The following KCNQ3 variants were observed in gnomAD, a reference collection of about 807,000 sequenced individuals.
KCNQ3 encodes the protein potassium voltage-gated channel subfamily Q member 3, also known as potassium voltage-gated channel subfamily KQT member 3.
A neutral mutation model predicts 92.5 loss-of-function variants in KCNQ3; 30 were observed. The ratio of observed to expected loss-of-function variants is 0.32; its 90% CI spans 0.24 to 0.44. The LOEUF (loss-of-function observed/expected upper bound fraction) is 0.44. KCNQ3 is among the 20% of genes least tolerant of loss of function. The pLI is 1.00. For missense variants in KCNQ3, 913 were observed against 1,140.3 expected (o/e 0.80, Z 2.87); for synonymous variants, 450 against 468.8 (o/e 0.96, Z 0.52).
At chr8:132,462,175 TTATG>T (rs962381193) in intron 1 of KCNQ3, among the ~76,000 whole-genome samples, 3 of 97,780 alleles carry the variant, frequency 3.1e-5, no homozygotes, top group Non-Finnish European at 5.9e-5. Flanking sequence ...GTACATTTAT[TTATG>T]TATTTATTTA....
At chr8:132,365,130 T>C (rs1819282324) in intron 1 of KCNQ3, among the ~76,000 whole-genome samples, 1 of 152,216 alleles carries the variant, frequency 6.6e-6, no homozygotes, top group Admixed American at 6.5e-5. Context: ...CATTTAATAT[T>C]CATTCCTTTT....
intron 1 of KCNQ3, among the ~76,000 whole-genome samples, chr8:132,476,484 T>C (rs1822414726): frequency 6.6e-6 from 1 of 152,228 alleles, no homozygotes; most frequent in Admixed American, 6.5e-5. Flanking sequence ...GCCCAAGCCT[T>C]GCATTAGGGT....
At position 132,387,836 on chromosome 8, in the gene KCNQ3, A is replaced by C. The variant is rs1417943622; in HGVS notation, c.386+92311T>G. ...GGAAGTATAGTGAGATCCCATCTCT[A>C]CAAAAAAAATTTTTTTAATTAGCCA... On this transcript the variant is annotated intron_variant, in intron 1 of 14. Coordinates refer to ENST00000388996, the MANE Select transcript of KCNQ3 (RefSeq NM_004519.4). Among the ~76,000 whole-genome samples the C allele has an allele frequency of 3.3e-5, 5 of 152,142 alleles. No individual in the cohort carries two copies. In the East Asian group the frequency reaches 9.7e-4, roughly 29 times the overall value.
intron 1 of KCNQ3, among the ~76,000 whole-genome samples, chr8:132,457,366 ACTC>A (rs1454080444): frequency 2.0e-4 from 31 of 152,040 alleles, no homozygotes; most frequent in Non-Finnish European, 5.9e-5. Flanking sequence ...TAACACAGTA[ACTC>A]CTCGGTTAAG....
intron 1 of KCNQ3, among the ~76,000 whole-genome samples, chr8:132,232,060 C>T (rs1469487154): frequency 6.6e-6 from 1 of 152,168 alleles, no homozygotes; most frequent in African/African-American, 2.4e-5. Flanking sequence ...ATTGGTCACC[C>T]ACCAAGGAAA....
chr8:132,430,245 C>T (rs1515519), intron 1 of KCNQ3, among the ~76,000 whole-genome samples: 34,056 of 152,122 alleles, frequency 0.22, 4,132 homozygotes, highest in Non-Finnish European at 0.27. Flanking sequence ...AGACTAGCCT[C>T]GTTCCCATCC....
At chr8:132,264,200 CT>C in intron 1 of KCNQ3, among the ~76,000 whole-genome samples, 1 of 152,156 alleles carries the variant, frequency 6.6e-6, no homozygotes, top group East Asian at 1.9e-4. Context: ...TCATTTTAGT[CT>C]TCAGATCTCC....
intron 9 of KCNQ3, among the ~76,000 whole-genome samples, chr8:132,147,315 A>G (rs1317192001): frequency 1.3e-5 from 2 of 148,828 alleles, no homozygotes; most frequent in Admixed American, 6.7e-5. Context: ...AAGTTGTGCA[A>G]TCACATAGGT....
At chr8:132,435,793 T>C (rs1821378456) in intron 1 of KCNQ3, among the ~76,000 whole-genome samples, 1 of 152,152 alleles carries the variant, frequency 6.6e-6, no homozygotes, top group Admixed American at 6.5e-5. Flanking sequence ...CAAACAATCC[T>C]CCCAAAGTGC....
At chr8:132,152,855 C>G (rs1457634915) in intron 9 of KCNQ3, among the ~76,000 whole-genome samples, 1 of 152,088 alleles carries the variant, frequency 6.6e-6, no homozygotes, top group African/African-American at 2.4e-5. Context: ...ACAGAGTTCC[C>G]TCAAAGCCAA....
intron 1 of KCNQ3, among the ~76,000 whole-genome samples, chr8:132,475,050 C>T (rs145478533): frequency 6.6e-6 from 1 of 152,246 alleles, no homozygotes; most frequent in Non-Finnish European, 1.5e-5. Flanking sequence ...TGACTCTTCC[C>T]CTTCACTCTT....
At chr8:132,345,913 T>C (rs1232280035) in intron 1 of KCNQ3, among the ~76,000 whole-genome samples, 1 of 151,628 alleles carries the variant, frequency 6.6e-6, no homozygotes, top group Non-Finnish European at 1.5e-5. Flanking sequence ...GATGACTTAA[T>C]GGTAATAACG....
intron 1 of KCNQ3, among the ~76,000 whole-genome samples, chr8:132,331,645 CCCA>C (rs1384527739): frequency 6.6e-6 from 1 of 152,138 alleles, no homozygotes; most frequent in Non-Finnish European, 1.5e-5. Context: ...CTATTGAGCA[CCCA>C]CCGTACTGAA....
At chr8:132,361,302 C>T (rs1033555150) in intron 1 of KCNQ3, among the ~76,000 whole-genome samples, 2 of 152,194 alleles carry the variant, frequency 1.3e-5, no homozygotes, top group African/African-American at 2.4e-5. Context: ...TTCTGCGGCA[C>T]GAACCTCCTC....
intron 1 of KCNQ3, among the ~76,000 whole-genome samples, chr8:132,376,985 A>G (rs1432385684): frequency 3.3e-5 from 5 of 152,238 alleles, no homozygotes; most frequent in Non-Finnish European, 7.3e-5. Flanking sequence ...AACGAAGGAG[A>G]GAGAGAGGAA....
chr8:132,344,741 T>C (rs1818631299), intron 1 of KCNQ3, among the ~76,000 whole-genome samples: 1 of 151,922 alleles, frequency 6.6e-6, no homozygotes, highest in Non-Finnish European at 1.5e-5. Flanking sequence ...GTGGGGACAG[T>C]TGGGTGAAGG....
At chr8:132,435,166 C>A (rs1434116624) in intron 1 of KCNQ3, among the ~76,000 whole-genome samples, 1 of 152,202 alleles carries the variant, frequency 6.6e-6, no homozygotes, top group Admixed American at 6.5e-5. Context: ...AAGGAGCATG[C>A]CCAGGACCTC....
chr8:132,179,453 C>T (rs1469029193), intron 4 of KCNQ3, among the ~76,000 whole-genome samples: 1 of 152,070 alleles, frequency 6.6e-6, no homozygotes, highest in Non-Finnish European at 1.5e-5. Context: ...GCGGGTACTT[C>T]CTCTTTCTGT....
Position 132,480,277 on chromosome 8 carries a change from C to T in KCNQ3, c.256G>A (p.Gly86Arg), listed in dbSNP as rs1239334203. The change falls in exon 1 of 15, where the codon GGG becomes AGG. Residue 86 changes from glycine to arginine, a missense_variant. Coordinates refer to ENST00000388996, the MANE Select transcript of KCNQ3 (RefSeq NM_004519.4). ...EGQRRTPQGI[G>R]LLAKTPLSRP... ...CTCAGCGGGGTCTTGGCCAGGAGCC[C>T]GATGCCCTGCGGGGTCCTCCGCTGC... 2 of 1,610,372 alleles carry T rather than the reference C, an allele frequency of 1.2e-6. No individual in the cohort carries two copies. Among genetic ancestry groups the T allele is most frequent in the African/African-American group, 1.3e-5 (1 of 74,982 alleles).
Sources: allele counts gnomAD v4.1 joint callset (sites outside exome capture counted in the v4.1 genomes callset), GRCh38; gene constraint gnomAD v4.1.1; transcripts MANE v1.5; gene names NCBI Gene and HGNC (gene_info 2026-07-23, HGNC 2026-07-21).